The following SIRPD variants were observed in gnomAD, a reference collection of about 807,000 sequenced individuals.
SIRPD encodes the protein signal-regulatory protein delta.
In SIRPD, 21 loss-of-function variants were observed where a neutral mutation model predicts 18.0. The observed-to-expected ratio is 1.17, with a 90% CI of 0.83 to 1.68. The LOEUF is 1.68. Ranked by LOEUF, SIRPD falls within the 40% of genes most tolerant of loss-of-function variation. The probability of loss-of-function intolerance (pLI) is 0.00; values close to 1 mark genes in which losing one functional copy is unlikely to be tolerated. For missense variants in SIRPD, 295 were observed against 238.4 expected (o/e 1.24, Z -1.56); for synonymous variants, 106 against 92.9 (o/e 1.14, Z -0.81).
In SIRPD at chr20:1,551,972, A is replaced by T. The variant is rs767572362; in HGVS notation, c.140T>A (p.Ile47Asn). The change falls in exon 2 of 4, where the codon ATC becomes AAC. Residue 47 changes from isoleucine to asparagine, a missense_variant. Coordinates refer to ENST00000381623, the MANE Select transcript of SIRPD (RefSeq NM_178460.3). ...ATTGGGTACGCTGCAACTCAAGATG[A>T]TTGACTCCCCAGTTGATACAGTCTG... Reference protein sequence around the residue: ...MSQTVSTGESIILSCSVPNTL... With the variant: ...MSQTVSTGESNILSCSVPNTL... 18 of 1,614,068 alleles carry T rather than the reference A, an allele frequency of 1.1e-5. No homozygotes were observed. The highest frequency in any genetic ancestry group is 1.5e-5 in the Non-Finnish European group (18 of 1,179,986).
chr20:1,550,857 TA>T (rs1307198168), intron 2 of SIRPD, among the ~76,000 whole-genome samples: 3 of 152,102 alleles, frequency 2.0e-5, no homozygotes, highest in Admixed American at 6.5e-5. Flanking sequence ...ATGTTTGGAA[TA>T]TAGTAGATGC....
intron 2 of SIRPD, among the ~76,000 whole-genome samples, chr20:1,543,974 A>G (rs2090982866): frequency 6.6e-6 from 1 of 152,194 alleles, no homozygotes; most frequent in Admixed American, 6.5e-5. Context: ...CTGTGATCTG[A>G]GAGACTGTTA....
chr20:1,546,364 T>C (rs1255112194), intron 2 of SIRPD, among the ~76,000 whole-genome samples: 1 of 152,250 alleles, frequency 6.6e-6, no homozygotes, highest in Non-Finnish European at 1.5e-5. Context: ...TGTGATTTTA[T>C]TCTTTAACTT....
chr20:1,542,388 CT>C (rs1388726864), intron 2 of SIRPD, among the ~76,000 whole-genome samples: 7 of 152,192 alleles, frequency 4.6e-5, no homozygotes, highest in African/African-American at 1.7e-4. Context: ...GTATTTTATT[CT>C]CTTAGTAGCA....
intron 2 of SIRPD, among the ~76,000 whole-genome samples, chr20:1,546,716 G>A (rs987156857): frequency 5.9e-5 from 9 of 152,138 alleles, no homozygotes; most frequent in African/African-American, 2.2e-4. Flanking sequence ...CAGTGTATGA[G>A]GTTTACAATT....
intron 1 of SIRPD, among the ~76,000 whole-genome samples, chr20:1,554,628 C>G (rs1196118129): frequency 1.3e-5 from 2 of 151,890 alleles, no homozygotes; most frequent in African/African-American, 2.4e-5. Flanking sequence ...TCAGATTTTT[C>G]TAATTGTCTC....
rs113980367 is a variant in SIRPD, at chr20:1,544,937, T to C, written c.421+6754A>G. Among the ~76,000 whole-genome samples, 1,387 of 152,324 alleles carry C rather than the reference T, an allele frequency of 9.1e-3. 21 individuals carry two copies. Among genetic ancestry groups the C allele is most frequent in the African/African-American group, 0.033 (1,353 of 41,566 alleles). ...TTCTTTTCTTTAAGAATGTTGAATG[T>C]TGGTCCTCACTCTCTTCTGGCTTGT... On this transcript the variant is annotated intron_variant, in intron 2 of 3. Coordinates refer to ENST00000381623, the MANE Select transcript of SIRPD (RefSeq NM_178460.3).
intron 2 of SIRPD, among the ~76,000 whole-genome samples, chr20:1,550,937 A>G (rs977968288): frequency 1.2e-4 from 19 of 152,240 alleles, no homozygotes; most frequent in Non-Finnish European, 2.5e-4. Flanking sequence ...CCCAAATTTC[A>G]CAGGGCACCA....
chr20:1,538,312 C>A (rs1027884346), intron 2 of SIRPD, among the ~76,000 whole-genome samples: 1 of 152,154 alleles, frequency 6.6e-6, no homozygotes, highest in Non-Finnish European at 1.5e-5. Flanking sequence ...CCTCTCCCCT[C>A]GACACCTTAT....
At chr20:1,548,884 G>A (rs2091006140) in intron 2 of SIRPD, among the ~76,000 whole-genome samples, 1 of 151,996 alleles carries the variant, frequency 6.6e-6, no homozygotes, top group South Asian at 2.1e-4. Context: ...ATAGACTTGA[G>A]AAGTTTTCAG....
At position 1,542,802 on chromosome 20, in the gene SIRPD, A is replaced by C. The variant is rs186847026; in HGVS notation, c.422-5492T>G. Among the ~76,000 whole-genome samples, 267 of 152,270 alleles carry C rather than the reference A, an allele frequency of 1.8e-3. 2 individuals are homozygous for C. The highest frequency in any genetic ancestry group is 6.3e-3 in the African/African-American group (261 of 41,548). ...AATAGCTCTTACTATTTTGAGCTACATTTCATCAATACCTAGTTTATTGAG... is the reference window on the plus strand; with the variant it reads ...AATAGCTCTTACTATTTTGAGCTACCTTTCATCAATACCTAGTTTATTGAG... On this transcript the variant is annotated intron_variant, in intron 2 of 3. Transcript: ENST00000381623.
At chr20:1,555,909 A>C (rs1393036970) in intron 1 of SIRPD, among the ~76,000 whole-genome samples, 1 of 152,154 alleles carries the variant, frequency 6.6e-6, no homozygotes. Context: ...CTGTGTTCTC[A>C]TCTGGGGGTT....
At chr20:1,548,302 C>T (rs986954506) in intron 2 of SIRPD, among the ~76,000 whole-genome samples, 3 of 151,572 alleles carry the variant, frequency 2.0e-5, no homozygotes, top group Admixed American at 6.6e-5. Context: ...TTTTTGAGTA[C>T]CTTTTTAAAT....
chr20:1,551,897 C>T lies in SIRPD; in HGVS notation c.215G>A (p.Arg72Gln), dbSNP rs139039354. 5.5e-5 allele frequency: 88 copies of T among 1,613,918 alleles called. No homozygotes were observed. The highest frequency in any genetic ancestry group is 1.6e-4 in the Middle Eastern group (1 of 6,084). The part of the protein sequence containing the change: ...VLWFKGTGPN[R>Q]KLIYNFKQGN... Reference sequence around the variant, plus strand: ...TTGTTTGAAATTGTAGATTAATTTCCGGTTTGGCCCTGTTCCCTTGAACCA... The same window carrying T: ...TTGTTTGAAATTGTAGATTAATTTCTGGTTTGGCCCTGTTCCCTTGAACCA... The change falls in exon 2 of 4, where the codon CGG (arginine) becomes CAG (glutamine). Residue 72 changes from arginine to glutamine, a missense_variant. Physicochemically the swap from Arg to Gln is conservative, Grantham distance 43 (BLOSUM62 1). Coordinates refer to ENST00000381623, the MANE Select transcript of SIRPD (RefSeq NM_178460.3).
At chr20:1,537,420 G>A in intron 2 of SIRPD, 110 bp from the exon 3 acceptor site, 2 of 1,262,482 alleles carry the variant, frequency 1.6e-6, no homozygotes, top group Non-Finnish European at 1.1e-6. Flanking sequence ...TGTGAAATAG[G>A]AATCAGACAC....
chr20:1,549,497 C>T (rs1272580995), intron 2 of SIRPD, among the ~76,000 whole-genome samples: 2 of 151,832 alleles, frequency 1.3e-5, no homozygotes, highest in Non-Finnish European at 2.9e-5. Context: ...GTCTTCCTCA[C>T]AACCACCGAG....
Position 1,537,455 on chromosome 20 carries a change from G to A in SIRPD, c.422-145C>T, listed in dbSNP as rs182189416. On this transcript the variant is annotated intron_variant, in intron 2 of 3. Transcript: ENST00000381623. Reference sequence around the variant, plus strand: ...CAAGCTAATAAGTTACTGATATAAGGGTCCCAAGGTGCTTGGAGGGGCCCT... The same window carrying A: ...CAAGCTAATAAGTTACTGATATAAGAGTCCCAAGGTGCTTGGAGGGGCCCT... The A allele has an allele frequency of 1.8e-3, 1,741 of 952,330 alleles. 5 individuals carry two copies. Among genetic ancestry groups the A allele is most frequent in the Non-Finnish European group, 2.0e-3 (1,323 of 649,600 alleles). The allele number at this position is 952,330 out of a possible 1,614,324, so 59.0% of individuals were successfully genotyped here. A position where few individuals can be genotyped will look rare whatever the true frequency, so the allele number is the denominator to read the frequency against.
chr20:1,543,641 G>C (rs1243225955), intron 2 of SIRPD, among the ~76,000 whole-genome samples: 1 of 152,004 alleles, frequency 6.6e-6, no homozygotes, highest in Admixed American at 6.6e-5. Flanking sequence ...TCTGATCTTA[G>C]TTACTTCTTG....
intron 2 of SIRPD, among the ~76,000 whole-genome samples, chr20:1,545,863 ACAGT>A (rs1487380160): frequency 6.6e-6 from 1 of 151,940 alleles, no homozygotes; most frequent in African/African-American, 2.4e-5. Context: ...TTTCCTTTTG[ACAGT>A]CAGGCCACTC....
Sources: allele counts gnomAD v4.1 joint callset (sites outside exome capture counted in the v4.1 genomes callset), GRCh38; gene constraint gnomAD v4.1.1; transcripts MANE v1.5; gene names NCBI Gene and HGNC (gene_info 2026-07-23, HGNC 2026-07-21).